The following RARB variants were observed in gnomAD, a reference collection of about 807,000 sequenced individuals.
RARB encodes the protein HBV-activated protein.
Under a neutral mutation model 51.9 loss-of-function variants are expected in RARB, and 17 were observed. The observed-to-expected ratio is 0.33, with a 90% confidence interval of 0.22 to 0.49. RARB has a LOEUF of 0.49. Among genes scored for constraint, RARB ranks in the 20% least tolerant of loss-of-function variants. The pLI, the probability that RARB is intolerant of heterozygous loss-of-function variation, is 0.99. For missense variants in RARB, 369 were observed against 550.8 expected (o/e 0.67, Z 3.30); for synonymous variants, 215 against 195.4 (o/e 1.10, Z -0.84).
chr3:25,372,430 G>A (rs1706329040), intron 5 of RARB, among the ~76,000 whole-genome samples: 1 of 152,182 alleles, frequency 6.6e-6, no homozygotes, highest in Admixed American at 6.5e-5. Context: ...CTACTTCAAG[G>A]AGAAATTTTT....
At chr3:24,843,589 A>C (rs1395939041) in intron 1 of RARB, among the ~76,000 whole-genome samples, 4 of 152,128 alleles carry the variant, frequency 2.6e-5, no homozygotes, top group Non-Finnish European at 5.9e-5. Flanking sequence ...GCCAGCCCAC[A>C]CACCATCAAA....
chr3:25,071,565 T>G (rs753304672), intron 3 of RARB, among the ~76,000 whole-genome samples: 2 of 152,214 alleles, frequency 1.3e-5, no homozygotes, highest in Middle Eastern at 3.2e-3. Flanking sequence ...CTTTGGAAAC[T>G]TAGTTCTTTT....
intron 2 of RARB, among the ~76,000 whole-genome samples, chr3:24,996,859 T>C (rs541349364): frequency 4.6e-5 from 7 of 152,270 alleles, no homozygotes; most frequent in African/African-American, 1.7e-4. Flanking sequence ...ATTTAGAGAC[T>C]TGTTTTGTGT....
rs140433699 is a variant in RARB at position 24,838,113 on chromosome 3, C to T, written c.-459+8710C>T. Among the ~76,000 whole-genome samples, 1,026 of 152,232 alleles carry T rather than the reference C, an allele frequency of 6.7e-3. 8 individuals are homozygous for T. The highest frequency in any genetic ancestry group is 0.031 in the Middle Eastern group (9 of 294). ...AGTCCCTATTTCCTTGCTGGCTGTC[C>T]GCTGGGGATCATTCTCAACTTTTAG... On this transcript the variant is annotated intron_variant, in intron 1 of 11. Coordinates refer to the RARB transcript ENST00000383772.
chr3:25,386,599 T>G (rs1367322750), intron 5 of RARB, among the ~76,000 whole-genome samples: 1 of 152,220 alleles, frequency 6.6e-6, no homozygotes, highest in Non-Finnish European at 1.5e-5. Context: ...GGCCTTCATA[T>G]AGGGCTTCTT....
rs185092803 is a variant in RARB, at chr3:25,409,454, T to C, written c.179-51739T>C. Reference sequence around the variant, plus strand: ...AGAACACATTCATCATAGACTCAGTTTATTCAAAATTTGTGTTAACTCTGT... The same window carrying C: ...AGAACACATTCATCATAGACTCAGTCTATTCAAAATTTGTGTTAACTCTGT... On this transcript the variant is annotated intron_variant, in intron 5 of 11. Transcript: ENST00000383772. Among the ~76,000 whole-genome samples, 676 of 152,220 alleles carry C rather than the reference T, an allele frequency of 4.4e-3. 6 individuals carry two copies. The highest frequency in any genetic ancestry group is 6.0e-3 in the Non-Finnish European group (405 of 68,014).
At chr3:24,861,300 T>C (rs944906388) in intron 2 of RARB, among the ~76,000 whole-genome samples, 2 of 152,182 alleles carry the variant, frequency 1.3e-5, no homozygotes, top group African/African-American at 2.4e-5. Flanking sequence ...TATGTCATTT[T>C]ATAAAGAGAC....
chr3:24,981,730 C>T (rs116264252), intron 2 of RARB, among the ~76,000 whole-genome samples: 611 of 152,280 alleles, frequency 4.0e-3, no homozygotes, highest in African/African-American at 0.014. Context: ...CTCCTGACCC[C>T]TTATGCTTCC....
rs140014008 is a variant in RARB, at chr3:24,926,680, A to G, written c.-380+67928A>G. On this transcript the variant is annotated intron_variant, in intron 2 of 11. Transcript: ENST00000383772. ...ATTTGTAGTAAGAATGAGGAGTTTG[A>G]TTTTTGGTACATCATGATGGAGATG... is the stretch of plus-strand genomic sequence containing the variant. Among the ~76,000 whole-genome samples, 293 of 152,092 alleles carry G rather than the reference A, an allele frequency of 1.9e-3. 1 individual carries two copies. Among genetic ancestry groups the G allele is most frequent in the African/African-American group, 6.2e-3 (258 of 41,500 alleles).
chr3:25,291,501 A>G (rs322671), intron 5 of RARB, among the ~76,000 whole-genome samples: 17,990 of 140,926 alleles, frequency 0.13, 1,449 homozygotes, highest in South Asian at 0.21. Flanking sequence ...TTTTGAACAC[A>G]CACGGCTTGT....
At chr3:24,989,637 T>C (rs1696868121) in intron 2 of RARB, among the ~76,000 whole-genome samples, 1 of 108,210 alleles carries the variant, frequency 9.2e-6, no homozygotes, top group Admixed American at 1.2e-4. Flanking sequence ...CTTTTATTTC[T>C]CTTATTTACT....
intron 4 of RARB, among the ~76,000 whole-genome samples, chr3:25,166,777 G>C (rs781488660): frequency 6.6e-6 from 1 of 152,162 alleles, no homozygotes; most frequent in South Asian, 2.1e-4. Context: ...TAACTCCTGT[G>C]TCTCAAGGCC....
At chr3:25,022,960 C>T (rs972548449) in intron 2 of RARB, among the ~76,000 whole-genome samples, 2 of 152,172 alleles carry the variant, frequency 1.3e-5, no homozygotes, top group African/African-American at 4.8e-5. Context: ...AGAAGATCAT[C>T]ACCAGACCCT....
chr3:25,407,938 C>G (rs1707456265), intron 5 of RARB, among the ~76,000 whole-genome samples: 1 of 152,164 alleles, frequency 6.6e-6, no homozygotes, highest in Non-Finnish European at 1.5e-5. Flanking sequence ...CCCAAGATCC[C>G]TAGCAGGATC....
At chr3:25,360,615 G>T (rs987329340) in intron 5 of RARB, among the ~76,000 whole-genome samples, 2 of 152,056 alleles carry the variant, frequency 1.3e-5, no homozygotes, top group African/African-American at 4.8e-5. Flanking sequence ...GGCTGGTACC[G>T]GTTTTTCCTT....
intron 3 of RARB, among the ~76,000 whole-genome samples, chr3:25,556,864 G>A (rs1700080972): frequency 6.6e-6 from 1 of 152,164 alleles, no homozygotes; most frequent in Non-Finnish European, 1.5e-5. Flanking sequence ...TGAGAAACTG[G>A]TCTGTGACAG....
At chr3:24,911,522 G>A (rs1482881540) in intron 2 of RARB, among the ~76,000 whole-genome samples, 2 of 152,146 alleles carry the variant, frequency 1.3e-5, no homozygotes, top group African/African-American at 2.4e-5. Context: ...GTTACCTAAT[G>A]TCAAACAGTT....
rs896689877 is a variant in RARB, at chr3:25,320,589, C to G, written c.179-140604C>G. Among the ~76,000 whole-genome samples the G allele has an allele frequency of 2.6e-5, 4 of 152,166 alleles. No individual in the cohort carries two copies. In the East Asian group the frequency reaches 7.7e-4, roughly 29 times the overall value. ...TTGCATTTTACTTTGTTCCTCATGT[C>G]AAATATTTACTTTATTATTGCTTCT... is the stretch of plus-strand genomic sequence containing the variant. On this transcript the variant is annotated intron_variant, in intron 5 of 11. Transcript: ENST00000383772.
At chr3:25,506,471 G>T (rs925040761) in intron 3 of RARB, among the ~76,000 whole-genome samples, 1 of 151,892 alleles carries the variant, frequency 6.6e-6, no homozygotes, top group Admixed American at 6.6e-5. Flanking sequence ...AGCTGAGAGT[G>T]ATGGTGTGGA....
Sources: allele counts gnomAD v4.1 joint callset (sites outside exome capture counted in the v4.1 genomes callset), GRCh38; gene constraint gnomAD v4.1.1; transcripts MANE v1.5; gene names NCBI Gene and HGNC (gene_info 2026-07-23, HGNC 2026-07-21).